ANKMY2: variants seen among roughly 807,000 people sequenced by gnomAD.
ANKMY2 encodes the protein ankyrin repeat and MYND domain-containing protein 2.
Under a neutral mutation model 50.4 loss-of-function variants are expected in ANKMY2, and 36 were observed. The ratio of observed to expected loss-of-function variants is 0.71; its 90% CI spans 0.55 to 0.94. The LOEUF (loss-of-function observed/expected upper bound fraction) is 0.94, where lower values mean the gene tolerates loss of function less well. ANKMY2 is among the 40% of genes least tolerant of loss of function. ANKMY2 has a pLI of 0.00. For synonymous variants in ANKMY2, 187 were observed against 178.8 expected, an observed-to-expected ratio of 1.05 and a Z score of -0.36; for missense variants, 565 against 524.0, an observed-to-expected ratio of 1.08 and a Z score of -0.76.
At chr7:16,629,386 A>C (rs1383391936) in intron 2 of ANKMY2, among the ~76,000 whole-genome samples, 1 of 152,178 alleles carries the variant, frequency 6.6e-6, no homozygotes, top group Non-Finnish European at 1.5e-5. Context: ...AAATACAAAA[A>C]TTAGCTGGGC....
intron 1 of ANKMY2, among the ~76,000 whole-genome samples, chr7:16,640,107 A>G (rs887005319): frequency 2.0e-5 from 3 of 152,176 alleles, no homozygotes; most frequent in African/African-American, 7.2e-5. Context: ...AGGAGGTTGC[A>G]GTGAGTCAAG....
intron 1 of ANKMY2, among the ~76,000 whole-genome samples, chr7:16,644,165 C>T (rs1041520556): frequency 6.6e-6 from 1 of 152,200 alleles, no homozygotes; most frequent in Non-Finnish European, 1.5e-5. Flanking sequence ...TGCATGTTTG[C>T]TTAATTGAAT....
intron 9 of ANKMY2, among the ~76,000 whole-genome samples, chr7:16,601,967 T>C (rs1201498400): frequency 1.3e-5 from 2 of 152,228 alleles, no homozygotes; most frequent in Non-Finnish European, 2.9e-5. Flanking sequence ...CCTGTAGTTC[T>C]GAAATTTAAT....
rs796241399 is a variant in ANKMY2 at position 16,600,914 on chromosome 7, AAC to A, written c.1171_1172del (p.Val391Ter). ...HGKLDVNSNC[V>X]NEEQPEAEVG... ...CTTCAGCCTCTGGTTGCTCTTCATT[AAC>A]ACAGTTAGAATTGACATCAAGTTTG... On this transcript the variant is annotated frameshift_variant, in exon 10 of 10. Coordinates refer to ENST00000306999, the MANE Select transcript of ANKMY2 (RefSeq NM_020319.3). LOFTEE classifies it low-confidence loss of function (END_TRUNC). The A allele has an allele frequency of 4.4e-6, 7 of 1,607,832 alleles. No homozygotes were observed. The African/African-American group carries it at 9.4e-5, about 22-fold the overall frequency.
chr7:16,629,535 C>CAA (rs201952899), intron 2 of ANKMY2, among the ~76,000 whole-genome samples: 1 of 141,800 alleles, frequency 7.1e-6, no homozygotes, highest in Non-Finnish European at 1.5e-5. Context: ...GACTCTGTCT[C>CAA]AAAAAAAAAA....
intron 4 of ANKMY2, 48 bp from the exon 5 acceptor site, chr7:16,615,952 C>T: frequency 6.6e-7 from 1 of 1,526,586 alleles, no homozygotes; most frequent in Non-Finnish European, 8.9e-7. Flanking sequence ...TTAAAAATAA[C>T]ACATCTGGTT....
chr7:16,634,353 T>C (rs1454718855), intron 2 of ANKMY2, among the ~76,000 whole-genome samples: 3 of 152,158 alleles, frequency 2.0e-5, no homozygotes, highest in African/African-American at 7.2e-5. Flanking sequence ...CTGAATTGGC[T>C]CCTGCAATTG....
chr7:16,642,022 G>A (rs1781752898), intron 1 of ANKMY2, among the ~76,000 whole-genome samples: 1 of 147,814 alleles, frequency 6.8e-6, no homozygotes, highest in East Asian at 2.0e-4. Context: ...ATTAAAAAGT[G>A]TGTACTACCT....
chr7:16,628,154 G>A (rs1781531887), intron 2 of ANKMY2, among the ~76,000 whole-genome samples: 1 of 152,268 alleles, frequency 6.6e-6, no homozygotes, highest in African/African-American at 2.4e-5. Flanking sequence ...AGTAGTGTAG[G>A]CGAAACGCTG....
In ANKMY2 at chr7:16,624,989, A is replaced by T; in HGVS notation, c.364T>A (p.Phe122Ile). Reference protein sequence around the residue: ...VGRTAAQMAAFVGQHDCVTII... With the variant: ...VGRTAAQMAAIVGQHDCVTII... ...AACTGCAGCAAAATCTCACCCACAA[A>T]GGCTGCCATCTGAGCTGCTGTTCTT... The change falls in exon 4 of 10, where the codon TTT becomes ATT. Residue 122 changes from phenylalanine (F) to isoleucine (I), a missense_variant. Physicochemically the swap from Phe to Ile is conservative, Grantham distance 21. Coordinates refer to ENST00000306999, the MANE Select transcript of ANKMY2 (RefSeq NM_020319.3). 6.2e-7 allele frequency: 1 copy of T among 1,613,732 alleles called. No individual in the cohort carries two copies. The highest frequency in any genetic ancestry group is 8.5e-7 in the Non-Finnish European group (1 of 1,179,804).
chr7:16,618,249 C>T (rs1433672555), intron 4 of ANKMY2, among the ~76,000 whole-genome samples: 3 of 152,146 alleles, frequency 2.0e-5, no homozygotes, highest in African/African-American at 7.2e-5. Context: ...GTTTTGATCA[C>T]ACCACTGCAT....
chr7:16,635,931 T>C (rs1781652778), intron 2 of ANKMY2, among the ~76,000 whole-genome samples: 1 of 152,220 alleles, frequency 6.6e-6, no homozygotes, highest in African/African-American at 2.4e-5. Flanking sequence ...CTTATTTTTC[T>C]TTTATGACCT....
intron 8 of ANKMY2, chr7:16,603,666 G>C (rs548127865): frequency 2.1e-6 from 1 of 471,024 alleles, no homozygotes; most frequent in African/African-American, 2.0e-5. Flanking sequence ...CTGCACTGAA[G>C]GGGAGGAGAC....
At chr7:16,615,559 G>C (rs938214595) in intron 5 of ANKMY2, among the ~76,000 whole-genome samples, 185 bp downstream of exon 5, 1 of 152,054 alleles carries the variant, frequency 6.6e-6, no homozygotes, top group Non-Finnish European at 1.5e-5. Context: ...TTTCTCTCTC[G>C]CTCACTCACT....
At position 16,615,731 on chromosome 7, in the gene ANKMY2, G is replaced by A; in HGVS notation, c.531+13C>T. The A allele has an allele frequency of 6.2e-7, 1 of 1,613,978 alleles. No homozygotes were observed. The highest frequency in any genetic ancestry group is 8.5e-7 in the Non-Finnish European group (1 of 1,179,986). On this transcript the variant is annotated intron_variant, in intron 5 of 9. Coordinates refer to ENST00000306999, the MANE Select transcript of ANKMY2 (RefSeq NM_020319.3). The stretch of plus-strand genomic sequence containing the variant: ...ATTTACATAAAAAGCAAATACGGTA[G>A]ACACCACACTACCTTGACAGGATGA...
chr7:16,643,965 A>G (rs1268196724), intron 1 of ANKMY2, among the ~76,000 whole-genome samples: 1 of 152,158 alleles, frequency 6.6e-6, no homozygotes, highest in Non-Finnish European at 1.5e-5. Flanking sequence ...CTGCAACTCC[A>G]GCCTGGGTGA....
rs200611799 is a variant in ANKMY2, at chr7:16,622,094, AAAG to A, written c.370+2886_370+2888del. On this transcript the variant is annotated intron_variant, in intron 4 of 9. Transcript: ENST00000306999. ...AGAGGAGGAGGAAGAAGAGGAATAA[AAAG>A]AAGAAGAAGAAGGAGGAGGAGGAGG... Among the ~76,000 whole-genome samples, 137 of 150,462 alleles carry A rather than the reference AAAG, an allele frequency of 9.1e-4. No individual in the cohort carries two copies. The East Asian group carries it at 0.014, about 16-fold the overall frequency.
At position 16,616,578 on chromosome 7, in the gene ANKMY2, C is replaced by T. The variant is rs896525869; in HGVS notation, c.371-674G>A. 4.1e-3 allele frequency among the ~76,000 whole-genome samples: 623 copies of T among 152,296 alleles called. 7 individuals are homozygous for T. The highest frequency in any genetic ancestry group is 0.014 in the African/African-American group (574 of 41,572). ...GCAAGTGTGCTCCTGCGGCGCCCCC[C>T]CCTCCCTAGCTCCCTCTCCACTACC... is the stretch of plus-strand genomic sequence containing the variant. On this transcript the variant is annotated intron_variant, in intron 4 of 9. Coordinates refer to ENST00000306999, the MANE Select transcript of ANKMY2 (RefSeq NM_020319.3).
chr7:16,641,500 T>G (rs1263246582), intron 1 of ANKMY2, among the ~76,000 whole-genome samples: 3 of 152,160 alleles, frequency 2.0e-5, no homozygotes, highest in African/African-American at 7.2e-5. Context: ...TAACCATATA[T>G]TTTAATTTTT....
Sources: allele counts gnomAD v4.1 joint callset (sites outside exome capture counted in the v4.1 genomes callset), GRCh38; gene constraint gnomAD v4.1.1; transcripts MANE v1.5; gene names NCBI Gene and HGNC (gene_info 2026-07-23, HGNC 2026-07-21).